The following RAD51B variants were observed in gnomAD, a reference collection of about 807,000 sequenced individuals.
The protein encoded by RAD51B is RAD51 paralog B, also known as DNA repair protein RAD51 homolog 2.
In RAD51B, 38 loss-of-function variants were observed where a neutral mutation model predicts 42.2. That is an observed-to-expected ratio of 0.90 (90% confidence interval 0.70 to 1.18). RAD51B has a LOEUF of 1.18. Ranked by LOEUF, RAD51B falls within the 50% of genes most tolerant of loss-of-function variation. RAD51B has a pLI of 0.00. For missense variants in RAD51B, 373 were observed against 400.7 expected, an observed-to-expected ratio of 0.93 and a Z score of 0.59; for synonymous variants, 154 against 145.2, an observed-to-expected ratio of 1.06 and a Z score of -0.43.
chr14:68,588,007 A>G (rs1159701529), intron 10 of RAD51B, among the ~76,000 whole-genome samples: 1 of 152,234 alleles, frequency 6.6e-6, no homozygotes, highest in East Asian at 1.9e-4. Context: ...TTACAGAAGC[A>G]GAATCTCAGG....
intron 7 of RAD51B, among the ~76,000 whole-genome samples, chr14:68,027,973 G>T (rs1271061192): frequency 6.6e-6 from 1 of 152,134 alleles, no homozygotes; most frequent in Admixed American, 6.6e-5. Context: ...TATCTGTGAT[G>T]CAGGTTGAGT....
chr14:67,974,746 C>T (rs1481614810), intron 7 of RAD51B, among the ~76,000 whole-genome samples: 2 of 152,088 alleles, frequency 1.3e-5, no homozygotes, highest in African/African-American at 2.4e-5. Flanking sequence ...CAGTTGTGTA[C>T]ACTTTTTCCC....
chr14:67,828,083 T>A (rs1417573075), intron 3 of RAD51B, among the ~76,000 whole-genome samples: 1 of 143,916 alleles, frequency 6.9e-6, no homozygotes, highest in Non-Finnish European at 1.5e-5. Context: ...CCACGATGGT[T>A]GAATTAATTT....
At chr14:68,543,083 AAT>A (rs1171197939) in intron 10 of RAD51B, among the ~76,000 whole-genome samples, 1 of 152,228 alleles carries the variant, frequency 6.6e-6, no homozygotes, top group Non-Finnish European at 1.5e-5. Flanking sequence ...GCCAGTCGTA[AAT>A]ATTTCAAGCT....
intron 7 of RAD51B, among the ~76,000 whole-genome samples, chr14:68,089,401 T>G (rs1029478966): frequency 6.6e-6 from 1 of 152,138 alleles, no homozygotes; most frequent in Non-Finnish European, 1.5e-5. Context: ...CGGAGTCCTT[T>G]TTCGCCTTTT....
At chr14:67,940,974 G>A (rs746306979) in intron 7 of RAD51B, among the ~76,000 whole-genome samples, 2 of 152,084 alleles carry the variant, frequency 1.3e-5, no homozygotes, top group African/African-American at 2.4e-5. Flanking sequence ...CTTATGAACC[G>A]TGCAGAATAT....
chr14:68,623,271 C>G (rs1163753353), intron 10 of RAD51B, among the ~76,000 whole-genome samples: 1 of 152,162 alleles, frequency 6.6e-6, no homozygotes, highest in East Asian at 1.9e-4. Context: ...GTTGGCCCAG[C>G]TATAAAATGC....
At chr14:68,095,372 G>A (rs1441372249) in intron 7 of RAD51B, among the ~76,000 whole-genome samples, 2 of 151,832 alleles carry the variant, frequency 1.3e-5, no homozygotes, top group African/African-American at 4.8e-5. Context: ...AGAGTATGAT[G>A]CACTCCGATT....
At chr14:68,075,965 C>T (rs959853306) in intron 7 of RAD51B, among the ~76,000 whole-genome samples, 7 of 152,230 alleles carry the variant, frequency 4.6e-5, no homozygotes, top group African/African-American at 1.7e-4. Context: ...TGCAGAGTTG[C>T]TACTGACCGA....
chr14:68,613,659 T>G (rs902132023), downstream of RAD51B, among the ~76,000 whole-genome samples: 4 of 151,972 alleles, frequency 2.6e-5, no homozygotes, highest in Non-Finnish European at 4.4e-5. Context: ...TTTCACCGTG[T>G]TAGCCAGGAT....
chr14:68,072,076 TAAA>T (rs1566622929), intron 7 of RAD51B, among the ~76,000 whole-genome samples: 9 of 118,654 alleles, frequency 7.6e-5, no homozygotes, highest in Non-Finnish European at 1.2e-4. Context: ...TATAAATATA[TAAA>T]TATATATAAA....
At chr14:68,394,674 C>G (rs914780789) in intron 8 of RAD51B, among the ~76,000 whole-genome samples, 4 of 152,220 alleles carry the variant, frequency 2.6e-5, no homozygotes, top group Admixed American at 6.5e-5. Flanking sequence ...TTCCCTCTCC[C>G]AAGGTATCTA....
intron 10 of RAD51B, among the ~76,000 whole-genome samples, chr14:68,590,672 C>G (rs1890699741): frequency 6.6e-6 from 1 of 152,214 alleles, no homozygotes; most frequent in African/African-American, 2.4e-5. Flanking sequence ...GCTGCCTTAC[C>G]TGAAGTTAGA....
chr14:68,271,758 C>G (rs926727618), intron 7 of RAD51B, among the ~76,000 whole-genome samples: 1 of 152,124 alleles, frequency 6.6e-6, no homozygotes, highest in Non-Finnish European at 1.5e-5. Flanking sequence ...CTGATCAACT[C>G]GTAACAAGGG....
intron 7 of RAD51B, among the ~76,000 whole-genome samples, chr14:68,278,403 A>G: frequency 6.6e-6 from 1 of 152,212 alleles, no homozygotes; most frequent in Non-Finnish European, 1.5e-5. Context: ...AAGAGGAATA[A>G]TGTCACCTAC....
intron 7 of RAD51B, among the ~76,000 whole-genome samples, chr14:67,958,728 C>T (rs2074600435): frequency 6.6e-6 from 1 of 152,018 alleles, no homozygotes; most frequent in Non-Finnish European, 1.5e-5. Flanking sequence ...TTAAGGATGC[C>T]CTAGCTCTAA....
chr14:68,613,602 C>T (rs1220333174), downstream of RAD51B, among the ~76,000 whole-genome samples: 6 of 151,932 alleles, frequency 3.9e-5, no homozygotes, highest in Admixed American at 6.6e-5. Context: ...TACAGGAGCC[C>T]ACCACCACAC....
intron 10 of RAD51B, among the ~76,000 whole-genome samples, chr14:68,643,790 C>A (rs923209774): frequency 6.6e-6 from 1 of 152,172 alleles, no homozygotes. Context: ...TCCTGGAAGG[C>A]CCTGACTCAA....
intron 10 of RAD51B, among the ~76,000 whole-genome samples, chr14:68,608,572 G>A (rs1266911082): frequency 6.6e-6 from 1 of 152,212 alleles, no homozygotes. Flanking sequence ...GCTGGCGGCT[G>A]CAGAGTACTC....
Sources: allele counts gnomAD v4.1 joint callset (sites outside exome capture counted in the v4.1 genomes callset), GRCh38; gene constraint gnomAD v4.1.1; transcripts MANE v1.5; gene names NCBI Gene and HGNC (gene_info 2026-07-23, HGNC 2026-07-21).